Variants in UST observed in about 807,000 individuals in gnomAD.
The protein encoded by UST is uronyl 2-sulfotransferase.
Under a neutral mutation model 45.6 loss-of-function variants are expected in UST, and 21 were observed. The observed-to-expected ratio is 0.46, with a 90% confidence interval of 0.33 to 0.66. The LOEUF is 0.66. Ranked by LOEUF, UST falls within the 30% of genes least tolerant of loss-of-function variation. The probability of loss-of-function intolerance (pLI) is 0.02; values close to 1 mark genes in which losing one functional copy is unlikely to be tolerated. For missense variants in UST, 463 were observed against 512.4 expected, an observed-to-expected ratio of 0.90 and a Z score of 0.93; for synonymous variants, 215 against 200.6, an observed-to-expected ratio of 1.07 and a Z score of -0.61.
intron 1 of UST, among the ~76,000 whole-genome samples, chr6:148,811,942 C>T (rs1488467354): frequency 1.3e-5 from 2 of 152,188 alleles, no homozygotes; most frequent in Admixed American, 6.5e-5. Context: ...TAATCTACCA[C>T]GATTATTCAT....
intron 3 of UST, among the ~76,000 whole-genome samples, chr6:148,942,538 CAG>C (rs1780148549): frequency 6.6e-6 from 1 of 152,010 alleles, no homozygotes; most frequent in South Asian, 2.1e-4. Flanking sequence ...AGCCTGGAGA[CAG>C]AGCGAGACTT....
chr6:148,884,420 G>T (rs1411497940), intron 1 of UST, among the ~76,000 whole-genome samples: 1 of 131,346 alleles, frequency 7.6e-6, no homozygotes, highest in Non-Finnish European at 1.8e-5. Flanking sequence ...TTTAGACAGG[G>T]TATTCAGAGT....
chr6:149,011,463 G>A (rs1394725073), intron 5 of UST, among the ~76,000 whole-genome samples: 3 of 152,182 alleles, frequency 2.0e-5, no homozygotes, highest in Non-Finnish European at 4.4e-5. Flanking sequence ...ATAATTAAAA[G>A]TATATAATTG....
intron 5 of UST, chr6:148,990,343 A>G (rs1781324172): frequency 2.1e-6 from 2 of 965,414 alleles, no homozygotes; most frequent in Non-Finnish European, 1.2e-6. Context: ...ATTTGATGCC[A>G]TGAGATCTTT....
At chr6:149,013,440 C>A (rs1316033784) in intron 5 of UST, among the ~76,000 whole-genome samples, 1 of 151,808 alleles carries the variant, frequency 6.6e-6, no homozygotes, top group Non-Finnish European at 1.5e-5. Context: ...GCAGAAAAAT[C>A]ATTTGAACCC....
At chr6:148,946,890 T>C (rs1015887902) in intron 3 of UST, among the ~76,000 whole-genome samples, 5 of 150,188 alleles carry the variant, frequency 3.3e-5, no homozygotes, top group Non-Finnish European at 7.4e-5. Flanking sequence ...TTTTGTTCAT[T>C]CACTTTGATG....
chr6:148,832,446 G>A (rs1026038539), intron 1 of UST, among the ~76,000 whole-genome samples: 1 of 152,070 alleles, frequency 6.6e-6, no homozygotes, highest in Admixed American at 6.6e-5. Context: ...TAATTTACAT[G>A]TCTTAGTATG....
At chr6:148,897,071 C>T (rs752021844) in intron 2 of UST, among the ~76,000 whole-genome samples, 1 of 152,164 alleles carries the variant, frequency 6.6e-6, no homozygotes, top group Non-Finnish European at 1.5e-5. Flanking sequence ...TCTGGTAACT[C>T]AGTTTGCTAT....
At chr6:148,922,700 C>T (rs1032071005) in intron 2 of UST, among the ~76,000 whole-genome samples, 1 of 151,472 alleles carries the variant, frequency 6.6e-6, no homozygotes, top group Non-Finnish European at 1.5e-5. Context: ...GTCTTGATCT[C>T]CTGACCTCGT....
intron 1 of UST, among the ~76,000 whole-genome samples, chr6:148,758,838 C>T (rs534707229): frequency 1.6e-3 from 240 of 152,332 alleles, no homozygotes; most frequent in South Asian, 2.7e-3. Context: ...TACATTATTT[C>T]GTAGAAAGTT....
chr6:148,827,385 G>A (rs1777591845), intron 1 of UST, among the ~76,000 whole-genome samples: 1 of 152,116 alleles, frequency 6.6e-6, no homozygotes, highest in Non-Finnish European at 1.5e-5. Context: ...CACTTTGGGA[G>A]GCAGAGATGG....
At chr6:148,888,017 C>T (rs1246199156) in intron 2 of UST, among the ~76,000 whole-genome samples, 1 of 152,168 alleles carries the variant, frequency 6.6e-6, no homozygotes, top group African/African-American at 2.4e-5. Flanking sequence ...CTGTATTAGT[C>T]CATTCCTGCA....
chr6:149,061,020 C>T (rs7750481), intron 7 of UST, among the ~76,000 whole-genome samples: 3 of 152,034 alleles, frequency 2.0e-5, no homozygotes, highest in East Asian at 1.9e-4. Flanking sequence ...CTGGTCAGCG[C>T]GGAGTGTGCA....
At chr6:148,965,945 C>T (rs1364102255) in intron 5 of UST, among the ~76,000 whole-genome samples, 8 of 145,766 alleles carry the variant, frequency 5.5e-5, no homozygotes, top group Admixed American at 3.5e-4. Context: ...GTTATGAGGC[C>T]GGGCGCAGTG....
intron 1 of UST, among the ~76,000 whole-genome samples, chr6:148,766,347 C>T (rs1776324715): frequency 1.3e-5 from 2 of 149,656 alleles, no homozygotes; most frequent in South Asian, 4.2e-4. Flanking sequence ...CTCACCCACT[C>T]ACCCACTTGC....
At chr6:148,833,358 G>A (rs528555267) in intron 1 of UST, among the ~76,000 whole-genome samples, 72 of 152,228 alleles carry the variant, frequency 4.7e-4, no homozygotes, top group African/African-American at 1.7e-3. Context: ...ATGGTGGCAT[G>A]TACCTGTGAT....
chr6:148,940,963 T>C (rs1187579062), intron 2 of UST, among the ~76,000 whole-genome samples: 1 of 152,216 alleles, frequency 6.6e-6, no homozygotes, highest in Non-Finnish European at 1.5e-5. Flanking sequence ...GCAAAAAATA[T>C]TGTCATTAAG....
intron 5 of UST, among the ~76,000 whole-genome samples, chr6:148,992,513 G>A (rs1310976897): frequency 1.3e-5 from 2 of 152,042 alleles, no homozygotes; most frequent in African/African-American, 4.8e-5. Flanking sequence ...GTCCTGCCGG[G>A]GGTCTGTGGA....
intron 1 of UST, among the ~76,000 whole-genome samples, chr6:148,810,577 G>C (rs1777237914): frequency 6.6e-6 from 1 of 152,176 alleles, no homozygotes; most frequent in African/African-American, 2.4e-5. Flanking sequence ...ATTTGGCTCT[G>C]TTTGAACCTT....
Sources: allele counts gnomAD v4.1 joint callset (sites outside exome capture counted in the v4.1 genomes callset), GRCh38; gene constraint gnomAD v4.1.1; transcripts MANE v1.5; gene names NCBI Gene and HGNC (gene_info 2026-07-23, HGNC 2026-07-21).